Variants in NSD2 observed in about 807,000 individuals in gnomAD.
NSD2 encodes the protein histone-lysine N-methyltransferase NSD2.
A neutral mutation model predicts 139.0 loss-of-function variants in NSD2; 12 were observed. That is an observed-to-expected ratio of 0.09 (90% CI 0.06 to 0.14). NSD2 has a LOEUF of 0.14. NSD2 is among the 10% of genes least tolerant of loss of function. NSD2 has a pLI of 1.00. For synonymous variants in NSD2, 669 were observed against 648.7 expected (o/e 1.03, Z -0.48); for missense variants, 1,155 against 1,745.0 (o/e 0.66, Z 6.02).
At chr4:1,941,654 A>T in intron 9 of NSD2, 1 of 1,043,378 alleles carries the variant, frequency 9.6e-7, no homozygotes, top group African/African-American at 1.7e-5. Flanking sequence ...TTTGAAGGTG[A>T]TGCATAGATC....
chr4:1,947,515 G>T, intron 9 of NSD2: 1 of 1,056,192 alleles, frequency 9.5e-7, no homozygotes, highest in Non-Finnish European at 1.1e-6. Context: ...ACCTAGAAGG[G>T]TCACTTTAAT....
chr4:1,955,372 C>T lies in NSD2; in HGVS notation c.2518+32C>T. 6.3e-7 allele frequency: 1 copy of T among 1,584,790 alleles called. No individual in the cohort carries two copies. Among genetic ancestry groups the T allele is most frequent in the Non-Finnish European group, 8.6e-7 (1 of 1,161,826 alleles). On this transcript the variant is annotated intron_variant, in intron 13 of 21. Transcript: ENST00000508803. The surrounding 1 kb of genome is among the most constrained non-coding windows in gnomAD (Gnocchi z 4.7). The stretch of plus-strand genomic sequence containing the variant: ...GGCCTGGGGGTGTCTGCGGCACACG[C>T]CTCTCACACTCCCAGGAGCCACATA...
chr4:1,904,516 T>A lies in NSD2; in HGVS notation c.760+138T>A. The A allele has an allele frequency of 1.4e-5, 13 of 907,140 alleles. No individual in the cohort carries two copies. The South Asian group carries it at 2.4e-4, about 17-fold the overall frequency. The allele number at this position is 907,140 out of a possible 1,614,324, so 56.2% of individuals were successfully genotyped here. A position where few individuals can be genotyped will look rare whatever the true frequency, so the allele number is the denominator to read the frequency against. ...AGCTTTACCTAAAGTTAGTGATTGA[T>A]TCAAGTGTGATGTGTTGCCATTTCT... On this transcript the variant is annotated intron_variant, in intron 3 of 21. Transcript: ENST00000508803.
Position 1,917,761 on chromosome 4 carries a change from G to A in NSD2, c.928-380G>A, listed in dbSNP as rs143256354. On this transcript the variant is annotated intron_variant, in intron 4 of 21. Coordinates refer to ENST00000508803, the MANE Select transcript of NSD2 (RefSeq NM_001042424.3). ...AAGTTTTTTATTTCTAAAATTATGT[G>A]AAAATGTAAAAGTATTCTTTTTTTT... Among the ~76,000 whole-genome samples the A allele has an allele frequency of 2.6e-3, 393 of 150,188 alleles. 3 individuals carry two copies. Among genetic ancestry groups the A allele is most frequent in the African/African-American group, 9.2e-3 (377 of 40,954 alleles).
intron 1 of NSD2, among the ~76,000 whole-genome samples, chr4:1,884,077 T>C (rs1342842786): frequency 3.3e-5 from 5 of 152,182 alleles, no homozygotes; most frequent in Admixed American, 3.3e-4. Flanking sequence ...GTTGCAGATA[T>C]AAAAATTAGA....
At chr4:1,897,286 A>C (rs1716480984) in intron 1 of NSD2, among the ~76,000 whole-genome samples, 2 of 152,148 alleles carry the variant, frequency 1.3e-5, no homozygotes. Flanking sequence ...GTTTGAGATC[A>C]GCCTGGACAA....
Position 1,911,385 on chromosome 4 carries a change from C to T in NSD2, c.761-5486C>T, listed in dbSNP as rs575928890. On this transcript the variant is annotated intron_variant, in intron 3 of 21. Transcript: ENST00000508803. ...GGTGGGTGACTTGAGGTCAGGAGTT[C>T]GAGACCAGCCTGGCCAACGTGATGA... 1.3e-4 allele frequency among the ~76,000 whole-genome samples: 20 copies of T among 151,932 alleles called. No homozygotes were observed. The East Asian group carries it at 3.9e-3, about 29-fold the overall frequency.
chr4:1,879,603 C>T (rs1714553860), intron 1 of NSD2, among the ~76,000 whole-genome samples: 1 of 152,156 alleles, frequency 6.6e-6, no homozygotes, highest in South Asian at 2.1e-4. Context: ...AGCATCTTTG[C>T]TGGCCAGTCC....
chr4:1,883,947 A>G (rs1328071658), intron 1 of NSD2, among the ~76,000 whole-genome samples: 1 of 152,262 alleles, frequency 6.6e-6, no homozygotes, highest in Non-Finnish European at 1.5e-5. Flanking sequence ...TCACGAGAGC[A>G]TGGAGAAGCT....
rs1220960062 is a variant in NSD2 at position 1,976,408 on chromosome 4, C to T, written c.3622-67C>T. The T allele has an allele frequency of 1.9e-6, 3 of 1,543,554 alleles. No homozygotes were observed. The Admixed American group carries it at 5.8e-5, about 30-fold the overall frequency. The stretch of plus-strand genomic sequence containing the variant: ...TGAAGTTCCTGGAGTGTAGCTCGCT[C>T]TTCTGCCCTATTTGCTTCAGCCTGT... On this transcript the variant is annotated intron_variant, in intron 20 of 21. Coordinates refer to ENST00000508803, the MANE Select transcript of NSD2 (RefSeq NM_001042424.3). This position sits in a 1 kb window ranked among gnomAD's most constrained non-coding sequence, Gnocchi z 5.3.
chr4:1,897,646 T>G (rs867792774), intron 1 of NSD2, among the ~76,000 whole-genome samples: 1 of 152,330 alleles, frequency 6.6e-6, no homozygotes, highest in Middle Eastern at 3.4e-3. Context: ...TTTATTGATA[T>G]ATTTTTGAGA....
At chr4:1,946,141 T>C (rs1723601703) in intron 9 of NSD2, 1 of 1,027,312 alleles carries the variant, frequency 9.7e-7, no homozygotes, top group African/African-American at 1.7e-5. Flanking sequence ...AAAGCTAAAT[T>C]ATAGTCTTTT....
In NSD2 at chr4:1,976,206, T is replaced by G; in HGVS notation, c.3622-269T>G. ...GTCCCATCAGCAGATCCTGGAGCTGTGTGTCTGCTGAGATGCTGCTGAGAT... is the reference window on the plus strand; with the variant it reads ...GTCCCATCAGCAGATCCTGGAGCTGGGTGTCTGCTGAGATGCTGCTGAGAT... On this transcript the variant is annotated intron_variant, in intron 20 of 21. Transcript: ENST00000508803. This position sits in a 1 kb window ranked among gnomAD's most constrained non-coding sequence, Gnocchi z 5.3. 1 of 459,770 alleles carries G rather than the reference T, an allele frequency of 2.2e-6. No individual in the cohort carries two copies. The allele number at this position is 459,770 out of a possible 1,614,324, so 28.5% of individuals were successfully genotyped here.
At chr4:1,896,142 C>G (rs1373366591) in intron 1 of NSD2, among the ~76,000 whole-genome samples, 1 of 152,248 alleles carries the variant, frequency 6.6e-6, no homozygotes, top group African/African-American at 2.4e-5. Context: ...AGCAGCTCCA[C>G]ACTTGGTGCT....
intron 5 of NSD2, among the ~76,000 whole-genome samples, chr4:1,923,875 TA>T (rs1720501402): frequency 2.6e-5 from 4 of 152,172 alleles, no homozygotes; most frequent in African/African-American, 9.7e-5. Flanking sequence ...TGCTGAAGGG[TA>T]TGCAGATTCT....
chr4:1,971,670 C>A (rs1024270215), intron 18 of NSD2, among the ~76,000 whole-genome samples: 2 of 152,136 alleles, frequency 1.3e-5, no homozygotes, highest in Admixed American at 1.3e-4. Context: ...AGGAGGGGAC[C>A]TGGGACCTGT....
At chr4:1,969,041 A>G (rs1236540590) in intron 18 of NSD2, among the ~76,000 whole-genome samples, 3 of 152,244 alleles carry the variant, frequency 2.0e-5, no homozygotes, top group African/African-American at 7.2e-5. Context: ...AAAGTACTGG[A>G]GACCTGCAGT....
chr4:1,963,449 G>A (rs1451063827), intron 18 of NSD2, among the ~76,000 whole-genome samples: 1 of 152,176 alleles, frequency 6.6e-6, no homozygotes, highest in Non-Finnish European at 1.5e-5. Flanking sequence ...TGGGGAGGAG[G>A]GCAGGGAGGT....
rs866791589 is a variant in NSD2, at chr4:1,904,779, G to T, written c.760+401G>T. 2.6e-5 allele frequency among the ~76,000 whole-genome samples: 4 copies of T among 152,294 alleles called. No individual in the cohort carries two copies. In the South Asian group the frequency reaches 8.3e-4, roughly 32 times the overall value. On this transcript the variant is annotated intron_variant, in intron 3 of 21. Transcript: ENST00000508803. ...GAAAACACTGGAAGTGATCATCTTTGTCTTATGAAGCTTGGGTAGATAAAT... is the reference window on the plus strand; with the variant it reads ...GAAAACACTGGAAGTGATCATCTTTTTCTTATGAAGCTTGGGTAGATAAAT...
Sources: gnomAD v4.1 joint callset for allele counts (sites outside exome capture counted in the v4.1 genomes callset) on GRCh38, gnomAD v4.1.1 for gene constraint, Gnocchi (gnomAD v3.1) non-coding constraint, MANE v1.5 for transcripts, NCBI Gene and HGNC (gene_info 2026-07-23, HGNC 2026-07-21) for gene names.